GPHN: variants seen among roughly 807,000 people sequenced by gnomAD.
GPHN encodes gephyrin.
Under a neutral mutation model 95.5 loss-of-function variants are expected in GPHN, and 17 were observed. The observed-to-expected ratio is 0.18, with a 90% confidence interval of 0.12 to 0.27. The LOEUF (loss-of-function observed/expected upper bound fraction) is 0.27, where lower values mean the gene tolerates loss of function less well. Ranked by LOEUF, GPHN falls within the 10% of genes least tolerant of loss-of-function variation. The pLI, the probability that GPHN is intolerant of heterozygous loss-of-function variation, is 1.00. For missense variants in GPHN, 660 were observed against 978.1 expected, an observed-to-expected ratio of 0.67 and a Z score of 4.34; for synonymous variants, 320 against 322.5, an observed-to-expected ratio of 0.99 and a Z score of 0.08.
chr14:67,104,236 G>A (rs1247852074), intron 13 of GPHN, among the ~76,000 whole-genome samples: 3 of 152,136 alleles, frequency 2.0e-5, no homozygotes, highest in African/African-American at 7.2e-5. Context: ...CATGGTAAAT[G>A]ATCTTTTTAA....
At chr14:66,988,344 T>C (rs1180959910) in intron 9 of GPHN, among the ~76,000 whole-genome samples, 1 of 152,072 alleles carries the variant, frequency 6.6e-6, no homozygotes, top group Admixed American at 6.6e-5. Context: ...TTGGAGATTT[T>C]TCTATTGGTC....
At chr14:66,995,445 A>G (rs774849836) in intron 9 of GPHN, among the ~76,000 whole-genome samples, 16 of 152,228 alleles carry the variant, frequency 1.1e-4, no homozygotes, top group Non-Finnish European at 1.5e-4. Context: ...CCTCAAAGCA[A>G]TAAGTGGCAA....
chr14:66,939,897 G>A (rs569169466), intron 8 of GPHN, among the ~76,000 whole-genome samples: 19 of 152,268 alleles, frequency 1.2e-4, no homozygotes, highest in Non-Finnish European at 2.6e-4. Flanking sequence ...GAGGTTGATG[G>A]CCTGAAGGTG....
the GPHN span, among the ~76,000 whole-genome samples, chr14:67,261,589 C>T: frequency 6.6e-6 from 1 of 152,080 alleles, no homozygotes; most frequent in African/African-American, 2.4e-5. Context: ...TGACATGTGG[C>T]TCACTTTGCC....
chr14:66,907,156 G>C (rs1337592715), intron 5 of GPHN, among the ~76,000 whole-genome samples: 1 of 152,086 alleles, frequency 6.6e-6, no homozygotes, highest in Non-Finnish European at 1.5e-5. Flanking sequence ...ATTCGTAATT[G>C]CCAAAAGTTG....
the GPHN span, chr14:67,650,588 AG>A: frequency 7.8e-6 from 6 of 773,284 alleles, no homozygotes; most frequent in Non-Finnish European, 1.3e-5. Flanking sequence ...TCCTAAAAAT[AG>A]GTATTTTCTA....
intron 1 of GPHN, among the ~76,000 whole-genome samples, chr14:66,679,085 C>A (rs1168380123): frequency 6.6e-6 from 1 of 152,192 alleles, no homozygotes; most frequent in Non-Finnish European, 1.5e-5. Flanking sequence ...ACTAGGTGGG[C>A]CAGCCCTCAG....
At chr14:66,810,461 A>C (rs1318508364) in intron 3 of GPHN, among the ~76,000 whole-genome samples, 1 of 151,822 alleles carries the variant, frequency 6.6e-6, no homozygotes, top group Non-Finnish European at 1.5e-5. Flanking sequence ...TTCATCATGG[A>C]AAAAAATGTT....
chr14:67,280,752 T>A, the GPHN span, among the ~76,000 whole-genome samples: 23,268 of 151,494 alleles, frequency 0.15, 3,395 homozygotes, highest in East Asian at 0.42. Flanking sequence ...TATGCCAGAT[T>A]TGTTCCTCAT....
intron 21 of GPHN, among the ~76,000 whole-genome samples, chr14:67,176,428 C>T (rs754856370): frequency 6.6e-6 from 1 of 152,106 alleles, no homozygotes; most frequent in Non-Finnish European, 1.5e-5. Context: ...GGATGAAGCC[C>T]ACTTGATCGT....
intron 5 of GPHN, among the ~76,000 whole-genome samples, chr14:66,891,613 C>T (rs1162562283): frequency 1.3e-5 from 2 of 152,022 alleles, no homozygotes; most frequent in African/African-American, 4.8e-5. Flanking sequence ...ACACCAAAAG[C>T]ATAGGCAGCA....
At chr14:67,141,383 C>G (rs948813932) in intron 17 of GPHN, among the ~76,000 whole-genome samples, 22 of 152,132 alleles carry the variant, frequency 1.4e-4, no homozygotes, top group African/African-American at 4.1e-4. Flanking sequence ...GAATAAAAAT[C>G]CCAAGCATGC....
At chr14:66,914,578 T>A (rs1384173227) in intron 5 of GPHN, among the ~76,000 whole-genome samples, 1 of 152,128 alleles carries the variant, frequency 6.6e-6, no homozygotes, top group Non-Finnish European at 1.5e-5. Context: ...GTAATTGTTA[T>A]GGTAATATTT....
At chr14:66,956,162 G>A (rs892576591) in intron 8 of GPHN, among the ~76,000 whole-genome samples, 3 of 151,870 alleles carry the variant, frequency 2.0e-5, no homozygotes, top group African/African-American at 7.3e-5. Context: ...AGTTTCTTAG[G>A]GTGGAAGATT....
chr14:67,571,837 T>A, the GPHN span: 1 of 1,613,840 alleles, frequency 6.2e-7, no homozygotes, highest in Non-Finnish European at 8.5e-7. Flanking sequence ...AGTTTCCGAA[T>A]CTCGGTCCCC....
intron 13 of GPHN, among the ~76,000 whole-genome samples, chr14:67,106,407 C>T (rs1383622373): frequency 6.6e-6 from 1 of 152,052 alleles, no homozygotes; most frequent in East Asian, 1.9e-4. Flanking sequence ...CTTTTCCTTT[C>T]TTTTTTTCTG....
the GPHN span, chr14:67,321,064 C>A: frequency 1.2e-6 from 2 of 1,613,858 alleles, no homozygotes; most frequent in East Asian, 2.2e-5. Flanking sequence ...TAGATACAAC[C>A]CGGAGTAGGC....
At chr14:66,517,490 C>T (rs555199839) in intron 1 of GPHN, among the ~76,000 whole-genome samples, 38 of 152,204 alleles carry the variant, frequency 2.5e-4, no homozygotes, top group African/African-American at 7.9e-4. Flanking sequence ...CCAAAGCAAT[C>T]CTGAACAAAA....
At chr14:66,899,521 T>C (rs763880645) in intron 5 of GPHN, among the ~76,000 whole-genome samples, 22 of 151,972 alleles carry the variant, frequency 1.4e-4, no homozygotes, top group Non-Finnish European at 2.1e-4. Context: ...ATTGATATGA[T>C]TGCATGATCT....
Sources: gnomAD v4.1 joint callset for allele counts (sites outside exome capture counted in the v4.1 genomes callset) on GRCh38, gnomAD v4.1.1 for gene constraint, MANE v1.5 for transcripts, NCBI Gene and HGNC (gene_info 2026-07-23, HGNC 2026-07-21) for gene names.